Variants in RRBP1 observed in about 807,000 individuals in gnomAD.
RRBP1 encodes the protein ribosome binding protein 1.
Under a neutral mutation model 165.2 loss-of-function variants are expected in RRBP1, and 94 were observed. That is an observed-to-expected ratio of 0.57 (90% CI 0.48 to 0.68). The LOEUF is 0.68. Ranked by LOEUF, RRBP1 falls within the 30% of genes least tolerant of loss-of-function variation. RRBP1 has a pLI of 0.00. For missense variants in RRBP1, 1,676 were observed against 1,763.0 expected (o/e 0.95, Z 0.88); for synonymous variants, 680 against 714.5 (o/e 0.95, Z 0.77).
chr20:17,615,392 G>T, intron 23 of RRBP1, 39 bp downstream of exon 23: 1 of 1,519,310 alleles, frequency 6.6e-7, no homozygotes. Context: ...CCCCAGAGCA[G>T]ACCCTCCAGG....
At chr20:17,619,389 G>A (rs2035864279) in intron 19 of RRBP1, 1 of 423,222 alleles carries the variant, frequency 2.4e-6, no homozygotes, top group Non-Finnish European at 4.2e-6. Context: ...CCTCCCTCGG[G>A]GCAGGGCTGC....
intron 4 of RRBP1, 50 bp from the exon 5 acceptor site, chr20:17,641,969 T>C (rs1235766574): frequency 1.1e-5 from 18 of 1,584,340 alleles, no homozygotes; most frequent in Non-Finnish European, 1.6e-5. Context: ...GGGACTTGGC[T>C]CATCCCCTGA....
intron 6 of RRBP1, among the ~76,000 whole-genome samples, chr20:17,636,305 A>G (rs2036247530): frequency 6.6e-6 from 1 of 152,268 alleles, no homozygotes; most frequent in South Asian, 2.1e-4. Context: ...AGGGCTGGCC[A>G]TCTGAGACTA....
Position 17,627,535 on chromosome 20 carries a change from G to A in RRBP1, c.2897C>T (p.Ala966Val), listed in dbSNP as rs748838121. 30 of 1,612,240 alleles carry A rather than the reference G, an allele frequency of 1.9e-5. 1 individual carries two copies. The Middle Eastern group carries it at 1.8e-3, about 97-fold the overall frequency. ...GTCCTGGGCATCCCGCGCCTGGCCC[G>A]CCTCCAGCAGGGCCTCAATGGAACG... ...RIRSIEALLE[A>V]GQARDAQDVQ... Residue 966 changes from alanine to valine, a missense_variant, in exon 10 of 25, where the codon GCG becomes GTG. By Grantham distance (64) the Ala-to-Val change is moderately conservative. Coordinates refer to ENST00000377813, the MANE Select transcript of RRBP1 (RefSeq NM_001365613.2).
In RRBP1 at chr20:17,659,851, G is replaced by A. The variant is rs751055632; in HGVS notation, c.657C>T (p.Gly219=). 4 of 1,551,478 alleles carry A rather than the reference G, an allele frequency of 2.6e-6. No individual in the cohort carries two copies. Among genetic ancestry groups the A allele is most frequent in the Middle Eastern group, 1.7e-4 (1 of 5,988 alleles). ...SKKAEGAPNQ[G]RKAEGTPNQG... is the part of the protein sequence containing the mutation. The stretch of plus-strand genomic sequence containing the variant: ...GGTTTGGGGTTCCCTCTGCCTTTCT[G>A]CCCTGGTTTGGGGCTCCTTCAGCCT... The change falls in exon 3 of 25, where the codon GGC becomes GGT. Residue 219 remains glycine (G), a synonymous_variant. Transcript: ENST00000377813.
rs145465056 is a variant in RRBP1, at chr20:17,621,494, G to C, written c.3378C>G (p.Ala1126=). 185 of 1,612,656 alleles carry C rather than the reference G, an allele frequency of 1.1e-4. No individual in the cohort carries two copies. Among genetic ancestry groups the C allele is most frequent in the Admixed American group, 3.3e-5 (2 of 60,002 alleles). The change falls in exon 16 of 25, where the codon GCC becomes GCG. Residue 1126 remains alanine (A), a synonymous_variant. Coordinates refer to ENST00000377813, the MANE Select transcript of RRBP1 (RefSeq NM_001365613.2). ...EAEETQSTLQ[A]ECDQYRSILA... is the part of the protein sequence containing the mutation. Reference sequence around the variant, plus strand: ...GGATGCTGCGGTACTGGTCACACTCGGCCTGCAGTGTGCTCTGCGTCTCCT... The same window carrying C: ...GGATGCTGCGGTACTGGTCACACTCCGCCTGCAGTGTGCTCTGCGTCTCCT...
rs760907484 is a variant in RRBP1 at position 17,658,722 on chromosome 20, G to T, written c.1786C>A (p.Gln596Lys). Residue 596 changes from glutamine to lysine, a missense_variant, in exon 3 of 25, where the codon CAG (glutamine) becomes AAG (lysine). Gln to Lys is a moderately conservative substitution (Grantham distance 53). Around this residue, in one of 5 missense-constraint regions of RRBP1, gnomAD observed 1,184 missense variants for 1,167.1 expected, o/e 1.01. Coordinates refer to ENST00000377813, the MANE Select transcript of RRBP1 (RefSeq NM_001365613.2). ...QGKKADAAAN[Q>K]GKKTESASVQ... ...GAAGCTGACTCTGTCTTTTTACCCTGATTGGCAGCTGCGTCTGCCTTTTTG... is the reference window on the plus strand; with the variant it reads ...GAAGCTGACTCTGTCTTTTTACCCTTATTGGCAGCTGCGTCTGCCTTTTTG... 1.2e-6 allele frequency: 2 copies of T among 1,614,246 alleles called. No individual in the cohort carries two copies. The highest frequency in any genetic ancestry group is 3.3e-5 in the Admixed American group (2 of 60,034).
At chr20:17,651,192 C>T (rs958025842) in intron 3 of RRBP1, among the ~76,000 whole-genome samples, 1 of 152,178 alleles carries the variant, frequency 6.6e-6, no homozygotes, top group African/African-American at 2.4e-5. Context: ...TATAATGCTC[C>T]CTGCTCCCCA....
chr20:17,618,757 A>C, intron 19 of RRBP1, 78 bp from the exon 20 acceptor site: 1 of 1,123,468 alleles, frequency 8.9e-7, no homozygotes, highest in Non-Finnish European at 1.3e-6. Flanking sequence ...GTTAGCGCCG[A>C]AACATAAAAC....
intron 1 of RRBP1, among the ~76,000 whole-genome samples, chr20:17,680,658 G>C (rs2037163710): frequency 6.6e-6 from 1 of 152,078 alleles, no homozygotes; most frequent in Admixed American, 6.5e-5. Flanking sequence ...TAAGAAACTA[G>C]GATTCAGAGG....
At chr20:17,674,663 G>A (rs1388142598) in intron 2 of RRBP1, among the ~76,000 whole-genome samples, 1 of 152,016 alleles carries the variant, frequency 6.6e-6, no homozygotes, top group African/African-American at 2.4e-5. Flanking sequence ...AGGAGGGTGA[G>A]GCAGGAGAAT....
chr20:17,642,192 CCT>C (rs2036376273), intron 4 of RRBP1, among the ~76,000 whole-genome samples: 1 of 152,230 alleles, frequency 6.6e-6, no homozygotes, highest in Non-Finnish European at 1.5e-5. Flanking sequence ...GTTGCCAGCT[CCT>C]CTGAGGGGCA....
intron 3 of RRBP1, among the ~76,000 whole-genome samples, chr20:17,651,882 G>A (rs1156363457): frequency 6.6e-6 from 1 of 152,236 alleles, no homozygotes; most frequent in Non-Finnish European, 1.5e-5. Flanking sequence ...AGGAAAATCA[G>A]AGCAGAAGTT....
intron 4 of RRBP1, among the ~76,000 whole-genome samples, chr20:17,642,486 C>T (rs2036382054): frequency 6.6e-6 from 1 of 152,178 alleles, no homozygotes; most frequent in African/African-American, 2.4e-5. Context: ...ACCACTAAAT[C>T]CTCCAGCACA....
chr20:17,653,190 G>C (rs1043294181), intron 3 of RRBP1, among the ~76,000 whole-genome samples: 1 of 152,258 alleles, frequency 6.6e-6, no homozygotes, highest in East Asian at 1.9e-4. Flanking sequence ...TGCCCAGCGC[G>C]CCCTCGGGCT....
At chr20:17,641,995 G>C (rs755096055) in intron 4 of RRBP1, 76 bp from the exon 5 acceptor site, 11 of 1,482,808 alleles carry the variant, frequency 7.4e-6, no homozygotes, top group South Asian at 1.2e-5. Flanking sequence ...GACAAGAGCA[G>C]AGGCCTGAGG....
chr20:17,615,880 G>A (rs758049084), intron 22 of RRBP1, 46 bp downstream of exon 22: 3 of 1,518,346 alleles, frequency 2.0e-6, no homozygotes, highest in Middle Eastern at 3.4e-4. Flanking sequence ...GGAGACTCAG[G>A]GCCCAGGGGC....
rs534984277 is a variant in RRBP1, at chr20:17,670,963, A to G, written c.-22+9036T>C. Among the ~76,000 whole-genome samples the G allele has an allele frequency of 1.4e-4, 22 of 151,870 alleles. No individual in the cohort carries two copies. The South Asian group carries it at 4.6e-3, about 32-fold the overall frequency. On this transcript the variant is annotated intron_variant, in intron 2 of 24. Coordinates refer to ENST00000377813, the MANE Select transcript of RRBP1 (RefSeq NM_001365613.2). ...CCCAATTAGACACACTTCTGCATCT[A>G]CTCTTCCTGAATCTTAATTGGTCTT...
At chr20:17,630,377 C>A (rs980031879) in intron 8 of RRBP1, among the ~76,000 whole-genome samples, 5 of 152,240 alleles carry the variant, frequency 3.3e-5, no homozygotes, top group African/African-American at 1.2e-4. Context: ...TACACACACA[C>A]ACGCACGGTG....
Sources: gnomAD v4.1 joint callset for allele counts (sites outside exome capture counted in the v4.1 genomes callset) on GRCh38, gnomAD v4.1.1 for gene constraint, gnomAD v4.1.1 regional missense constraint, MANE v1.5 for transcripts, NCBI Gene and HGNC (gene_info 2026-07-23, HGNC 2026-07-21) for gene names.